TRPA1: variants seen among roughly 807,000 people sequenced by gnomAD.
The protein encoded by TRPA1 is transient receptor potential cation channel subfamily A member 1.
In TRPA1, 129 loss-of-function variants were observed where a neutral mutation model predicts 131.3. The ratio of observed to expected loss-of-function variants is 0.98; its 90% CI spans 0.85 to 1.14. TRPA1 has a LOEUF of 1.14. Among genes scored for constraint, TRPA1 ranks in the 50% most tolerant of loss-of-function variants. The probability of loss-of-function intolerance (pLI) is 0.00; values close to 1 mark genes in which losing one functional copy is unlikely to be tolerated. For synonymous variants in TRPA1, 441 were observed against 451.7 expected, an observed-to-expected ratio of 0.98 and a Z score of 0.30; for missense variants, 1,304 against 1,354.2, an observed-to-expected ratio of 0.96 and a Z score of 0.58.
At chr8:72,040,347 A>G (rs892048108) in intron 17 of TRPA1, among the ~76,000 whole-genome samples, 3 of 152,126 alleles carry the variant, frequency 2.0e-5, no homozygotes, top group African/African-American at 7.2e-5. Context: ...CTTCCTCCAT[A>G]GAGATATGGA....
intron 21 of TRPA1, among the ~76,000 whole-genome samples, chr8:72,034,925 A>G (rs1258901020): frequency 6.6e-6 from 1 of 152,238 alleles, no homozygotes; most frequent in African/African-American, 2.4e-5. Context: ...ATAGCTTCTC[A>G]ATATCAAAGA....
intron 2 of TRPA1, 115 bp from the exon 3 acceptor site, chr8:72,069,313 T>C (rs1806003084): frequency 6.7e-6 from 7 of 1,046,896 alleles, no homozygotes; most frequent in Non-Finnish European, 1.0e-5. Flanking sequence ...CAGCTGCATC[T>C]TTTTATGGAA....
At chr8:72,033,962 G>A in intron 22 of TRPA1, 136 bp from the exon 23 acceptor site, 5 of 858,996 alleles carry the variant, frequency 5.8e-6, no homozygotes, top group South Asian at 4.4e-5. Flanking sequence ...GAAATGCAGT[G>A]ATAAAATATA....
Position 72,069,104 on chromosome 8 carries a change from T to C in TRPA1, c.363A>G (p.Gly121=). 6.2e-7 allele frequency: 1 copy of C among 1,614,216 alleles called. No homozygotes were observed. Among genetic ancestry groups the C allele is most frequent in the Non-Finnish European group, 8.5e-7 (1 of 1,180,042 alleles). The change falls in exon 3 of 27, where the codon GGA becomes GGG. Residue 121 remains glycine (G), a synonymous_variant. Coordinates refer to ENST00000262209, the MANE Select transcript of TRPA1 (RefSeq NM_007332.3). ...TGAAGTTTCGGAGATTTGGGTTTGCTCCTCTGCTGAGAAGAAACTTAACGC... is the reference window on the plus strand; with the variant it reads ...TGAAGTTTCGGAGATTTGGGTTTGCCCCTCTGCTGAGAAGAAACTTAACGC... The part of the protein sequence containing the change: ...IESVKFLLSR[G]ANPNLRNFNM...
chr8:72,062,704 T>C (rs749901023), intron 6 of TRPA1, 95 bp downstream of exon 6: 88 of 1,252,338 alleles, frequency 7.0e-5, no homozygotes, highest in Non-Finnish European at 9.1e-5. Context: ...CTTGTATGTA[T>C]TTCAATCTAA....
intron 23 of TRPA1, among the ~76,000 whole-genome samples, chr8:72,032,955 C>T (rs756832110): frequency 1.3e-5 from 2 of 152,198 alleles, no homozygotes. Flanking sequence ...AAGGGCTCCC[C>T]ATGGACCTGG....
intron 4 of TRPA1, among the ~76,000 whole-genome samples, 181 bp downstream of exon 4, chr8:72,065,270 A>G (rs1270469347): frequency 4.6e-5 from 7 of 152,178 alleles, no homozygotes; most frequent in Non-Finnish European, 1.0e-4. Flanking sequence ...AAGCAATCTC[A>G]GATCCTCTTA....
At chr8:72,049,114 A>T (rs1001024046) in intron 15 of TRPA1, among the ~76,000 whole-genome samples, 1 of 151,592 alleles carries the variant, frequency 6.6e-6, no homozygotes, top group Admixed American at 6.6e-5. Context: ...TAGGCATCAT[A>T]AAAAAACCGT....
chr8:72,054,975 T>C (rs553202466), intron 12 of TRPA1: 1 of 154,770 alleles, frequency 6.5e-6, no homozygotes, highest in East Asian at 1.9e-4. Flanking sequence ...TGTTGTCACT[T>C]AAAGGGAACT....
At chr8:72,038,302 C>A (rs1812130384) in intron 19 of TRPA1, among the ~76,000 whole-genome samples, 1 of 151,534 alleles carries the variant, frequency 6.6e-6, no homozygotes. Context: ...TCAAAAATTG[C>A]TAATTGAATT....
At position 72,036,416 on chromosome 8, in the gene TRPA1, C is replaced by T. The variant is rs776259509; in HGVS notation, c.2427G>A (p.Trp809Ter). The T allele has an allele frequency of 2.5e-6, 4 of 1,613,796 alleles. No homozygotes were observed. In the Admixed American group the frequency reaches 6.7e-5, roughly 27 times the overall value. ...AAATGATGCCCGTCGTGTAGATAAT[C>T]CATTCAAGAACATTGCTTATATCCA... The part of the protein sequence containing the change: ...YFMDISNVLE[W>*]IIYTTGIIFV... Residue 809 changes from tryptophan (W) to a stop codon, truncating the protein, a stop_gained, in exon 21 of 27, where the codon TGG becomes TGA. Coordinates refer to ENST00000262209, the MANE Select transcript of TRPA1 (RefSeq NM_007332.3). LOFTEE classifies it high-confidence loss of function.
chr8:72,027,907 A>G (rs1411608343), intron 24 of TRPA1, among the ~76,000 whole-genome samples: 1 of 152,182 alleles, frequency 6.6e-6, no homozygotes, highest in Non-Finnish European at 1.5e-5. Flanking sequence ...ATAGTAAACA[A>G]TATAGGTTTG....
intron 18 of TRPA1, among the ~76,000 whole-genome samples, chr8:72,039,436 C>G (rs1299930409): frequency 1.3e-5 from 2 of 151,920 alleles, no homozygotes; most frequent in African/African-American, 4.8e-5. Flanking sequence ...TTCTTCATGT[C>G]TTATATAATA....
intron 23 of TRPA1, 110 bp downstream of exon 23, chr8:72,033,534 A>T (rs1563383706): frequency 2.9e-6 from 3 of 1,050,428 alleles, no homozygotes; most frequent in Non-Finnish European, 4.2e-6. Flanking sequence ...TTTGTAGTAG[A>T]TCCTTCCTGA....
intron 25 of TRPA1, among the ~76,000 whole-genome samples, chr8:72,024,267 T>C (rs1384002): frequency 0.63 from 95,455 of 152,052 alleles, 30,681 homozygotes; most frequent in East Asian, 0.9. Context: ...TCTAAAACTG[T>C]ACTGCACATT....
intron 1 of TRPA1, 143 bp downstream of exon 1, chr8:72,075,156 G>A: frequency 2.9e-6 from 2 of 684,776 alleles, no homozygotes; most frequent in Non-Finnish European, 5.2e-6. Context: ...GTCATTAGTA[G>A]GGTCACCTCT....
chr8:72,089,828 T>C, the TRPA1 span, among the ~76,000 whole-genome samples: 6 of 152,234 alleles, frequency 3.9e-5, no homozygotes, highest in Middle Eastern at 3.4e-3. Flanking sequence ...CAGATGTATA[T>C]GTTAGTATAA....
chr8:72,062,743 TTA>T, intron 6 of TRPA1, 54 bp downstream of exon 6: 1 of 1,547,210 alleles, frequency 6.5e-7, no homozygotes, highest in Non-Finnish European at 8.9e-7. Flanking sequence ...ATAAAGCATT[TTA>T]TATGTTTATG....
chr8:72,056,755 T>C (rs1189542154), intron 10 of TRPA1, among the ~76,000 whole-genome samples, 162 bp downstream of exon 10: 1 of 152,174 alleles, frequency 6.6e-6, no homozygotes, highest in East Asian at 1.9e-4. Context: ...ACCACCACCA[T>C]CACCATGTTG....
Sources: gnomAD v4.1 joint callset for allele counts (sites outside exome capture counted in the v4.1 genomes callset) on GRCh38, gnomAD v4.1.1 for gene constraint, MANE v1.5 for transcripts, NCBI Gene and HGNC (gene_info 2026-07-23, HGNC 2026-07-21) for gene names.